NCALD: variants seen among roughly 807,000 people sequenced by gnomAD.
NCALD encodes the protein neurocalcin-delta.
In NCALD, 10 loss-of-function variants were observed where a neutral mutation model predicts 18.6. The observed-to-expected ratio is 0.54, with a 90% CI of 0.33 to 0.91. The LOEUF is 0.91. NCALD is among the 40% of genes least tolerant of loss of function. The pLI is 0.03. For synonymous variants in NCALD, 88 were observed against 87.4 expected (o/e 1.01, Z -0.04); for missense variants, 184 against 247.6 (o/e 0.74, Z 1.72).
intron 1 of NCALD, among the ~76,000 whole-genome samples, chr8:101,743,200 T>A (rs1810286344): frequency 6.6e-6 from 1 of 152,186 alleles, no homozygotes; most frequent in Non-Finnish European, 1.5e-5. Context: ...GTGTCTTTAC[T>A]CAGGAAGATT....
chr8:101,827,416 C>T (rs1201569845), intron 4 of NCALD, among the ~76,000 whole-genome samples: 1 of 152,176 alleles, frequency 6.6e-6, no homozygotes, highest in Admixed American at 6.5e-5. Context: ...TCTTTGGGAA[C>T]CATTATTTAA....
intron 2 of NCALD, among the ~76,000 whole-genome samples, chr8:101,987,713 T>C (rs1454098173): frequency 6.6e-6 from 1 of 152,138 alleles, no homozygotes; most frequent in Non-Finnish European, 1.5e-5. Context: ...GTCCAAGATG[T>C]ATTACATCTT....
At chr8:102,042,009 C>T (rs1406956631) in intron 1 of NCALD, among the ~76,000 whole-genome samples, 1 of 151,934 alleles carries the variant, frequency 6.6e-6, no homozygotes, top group African/African-American at 2.4e-5. Context: ...CAGGCTTTTC[C>T]CCAAGGAAGA....
At chr8:101,853,797 T>G (rs1185174516) in intron 4 of NCALD, among the ~76,000 whole-genome samples, 1 of 152,148 alleles carries the variant, frequency 6.6e-6, no homozygotes, top group Non-Finnish European at 1.5e-5. Context: ...AAGAGACAAT[T>G]GACTTCCATC....
At chr8:101,978,076 C>A (rs917904782) in intron 2 of NCALD, among the ~76,000 whole-genome samples, 1 of 151,790 alleles carries the variant, frequency 6.6e-6, no homozygotes, top group South Asian at 2.1e-4. Context: ...CTCGTCCATA[C>A]AGCAACCAGT....
At chr8:101,690,985 G>T in intron 3 of NCALD, 1 of 985,470 alleles carries the variant, frequency 1.0e-6, no homozygotes, top group Non-Finnish European at 1.2e-6. Context: ...TGGCTCCTAG[G>T]AGAACTTGCC....
At chr8:101,760,461 C>A (rs1000419858) in intron 1 of NCALD, among the ~76,000 whole-genome samples, 3 of 152,190 alleles carry the variant, frequency 2.0e-5, no homozygotes, top group African/African-American at 7.2e-5. Context: ...GACCTCCATT[C>A]ATCCTAAAGT....
upstream of NCALD, among the ~76,000 whole-genome samples, chr8:101,795,128 G>T (rs2131042243): frequency 6.6e-6 from 1 of 152,242 alleles, no homozygotes; most frequent in Non-Finnish European, 1.5e-5. Context: ...GAATGCACAG[G>T]CTTGGGTGAG....
intron 4 of NCALD, among the ~76,000 whole-genome samples, chr8:101,876,774 G>A (rs1049277389): frequency 2.0e-5 from 3 of 152,232 alleles, no homozygotes; most frequent in East Asian, 1.9e-4. Context: ...AGTAAATACT[G>A]TTATGCATGT....
chr8:102,054,279 C>T (rs1823554511), intron 1 of NCALD, among the ~76,000 whole-genome samples: 1 of 152,074 alleles, frequency 6.6e-6, no homozygotes, highest in Admixed American at 6.6e-5. Flanking sequence ...GATATTTGGT[C>T]GAACGCCAGT....
upstream of NCALD, among the ~76,000 whole-genome samples, chr8:101,793,575 T>C (rs1018843813): frequency 1.1e-4 from 16 of 152,150 alleles, no homozygotes; most frequent in African/African-American, 3.9e-4. Flanking sequence ...GTGATCTCTT[T>C]AGAGCTCAGA....
At chr8:101,698,290 A>C (rs1293971634) in intron 2 of NCALD, among the ~76,000 whole-genome samples, 1 of 152,234 alleles carries the variant, frequency 6.6e-6, no homozygotes, top group Non-Finnish European at 1.5e-5. Flanking sequence ...GAGAGAACAT[A>C]AACAAATGGA....
At chr8:102,116,451 G>A (rs1245953799) in intron 1 of NCALD, among the ~76,000 whole-genome samples, 1 of 152,026 alleles carries the variant, frequency 6.6e-6, no homozygotes, top group Non-Finnish European at 1.5e-5. Flanking sequence ...ATGTCCAAGT[G>A]TCCAAGACTT....
chr8:101,813,598 A>C (rs1813389749), intron 4 of NCALD, among the ~76,000 whole-genome samples: 2 of 152,146 alleles, frequency 1.3e-5, no homozygotes, highest in African/African-American at 4.8e-5. Flanking sequence ...ACACATACTC[A>C]TTATAGAGTG....
At chr8:101,809,925 TCTGA>T (rs1460940751) in intron 4 of NCALD, among the ~76,000 whole-genome samples, 11 of 152,204 alleles carry the variant, frequency 7.2e-5, no homozygotes, top group African/African-American at 2.7e-4. Flanking sequence ...CATTTATAAA[TCTGA>T]CTTTTATGAA....
At chr8:102,062,473 CCCA>C (rs1445888535) in intron 1 of NCALD, among the ~76,000 whole-genome samples, 1 of 152,236 alleles carries the variant, frequency 6.6e-6, no homozygotes, top group Non-Finnish European at 1.5e-5. Context: ...AGCCTCAGCA[CCCA>C]CCACAATGAC....
chr8:101,869,023 C>T (rs1046420992), intron 4 of NCALD, among the ~76,000 whole-genome samples: 3 of 152,146 alleles, frequency 2.0e-5, no homozygotes, highest in African/African-American at 7.2e-5. Context: ...GGAGGTCCTC[C>T]CAAGGGCAGA....
At chr8:102,021,875 A>G (rs1266275345) in intron 1 of NCALD, among the ~76,000 whole-genome samples, 1 of 146,906 alleles carries the variant, frequency 6.8e-6, no homozygotes, top group East Asian at 2.0e-4. Flanking sequence ...TCAGGATCTC[A>G]GGTTGGAAAT....
intron 2 of NCALD, among the ~76,000 whole-genome samples, chr8:101,718,192 T>C (rs1288081724): frequency 6.6e-6 from 1 of 152,192 alleles, no homozygotes; most frequent in Non-Finnish European, 1.5e-5. Context: ...TGAGGTGCTT[T>C]ACAGTGAAGA....
Sources: allele counts gnomAD v4.1 joint callset (sites outside exome capture counted in the v4.1 genomes callset), GRCh38; gene constraint gnomAD v4.1.1; transcripts MANE v1.5; gene names NCBI Gene and HGNC (gene_info 2026-07-23, HGNC 2026-07-21).